The following GRIK2 variants were observed in gnomAD, a reference collection of about 807,000 sequenced individuals.
GRIK2 encodes glutamate receptor ionotropic, kainate 2.
In GRIK2, 32 loss-of-function variants were observed where a neutral mutation model predicts 100.3. The observed-to-expected ratio is 0.32, with a 90% CI of 0.24 to 0.43. GRIK2 has a LOEUF of 0.43. Among genes scored for constraint, GRIK2 ranks in the 20% least tolerant of loss-of-function variants. GRIK2 has a pLI of 1.00. For synonymous variants in GRIK2, 417 were observed against 389.4 expected (o/e 1.07, Z -0.83); for missense variants, 843 against 1,114.9 (o/e 0.76, Z 3.47).
intron 7 of GRIK2, among the ~76,000 whole-genome samples, chr6:101,798,533 T>A (rs1167123021): frequency 6.6e-6 from 1 of 152,052 alleles, no homozygotes; most frequent in Non-Finnish European, 1.5e-5. Flanking sequence ...CATCTTCCAT[T>A]TTATGTGGTA....
At chr6:101,671,527 G>A (rs1011000215) in intron 4 of GRIK2, among the ~76,000 whole-genome samples, 4 of 152,042 alleles carry the variant, frequency 2.6e-5, no homozygotes, top group Non-Finnish European at 5.9e-5. Flanking sequence ...GTCCTGTAAC[G>A]TCTGGAACAC....
chr6:101,650,154 A>G (rs1262429273), intron 4 of GRIK2, among the ~76,000 whole-genome samples: 1 of 152,160 alleles, frequency 6.6e-6, no homozygotes, highest in Non-Finnish European at 1.5e-5. Flanking sequence ...CTTTCAGAGC[A>G]CATAGGATTT....
chr6:102,063,932 C>G (rs1329225519), intron 16 of GRIK2: 3 of 983,816 alleles, frequency 3.0e-6, no homozygotes, highest in Non-Finnish European at 4.9e-6. Flanking sequence ...TACATGCTAA[C>G]AGCTCAAAGA....
intron 2 of GRIK2, among the ~76,000 whole-genome samples, chr6:101,529,956 T>C (rs1582651123): frequency 6.6e-6 from 1 of 152,042 alleles, no homozygotes; most frequent in African/African-American, 2.4e-5. Flanking sequence ...ATGGCACTTC[T>C]AAAATTAGAG....
intron 2 of GRIK2, among the ~76,000 whole-genome samples, chr6:101,593,149 T>C (rs1018052397): frequency 4.6e-5 from 7 of 151,774 alleles, no homozygotes; most frequent in African/African-American, 1.7e-4. Flanking sequence ...AAGTAAGAAC[T>C]TGGTTTGGTG....
intron 2 of GRIK2, among the ~76,000 whole-genome samples, chr6:101,595,706 G>GTATATATATATA (rs1417393124): frequency 7.4e-4 from 93 of 125,352 alleles, no homozygotes; most frequent in African/African-American, 2.9e-3. Context: ...ATATGTGTGT[G>GTATATATATATA]TGTGTGTGTG....
At chr6:101,695,197 C>T (rs1448415474) in intron 7 of GRIK2, among the ~76,000 whole-genome samples, 1 of 151,992 alleles carries the variant, frequency 6.6e-6, no homozygotes, top group African/African-American at 2.4e-5. Flanking sequence ...CTGGTGAAAG[C>T]AACTGTCTGC....
At chr6:101,712,810 A>T (rs901702229) in intron 7 of GRIK2, among the ~76,000 whole-genome samples, 1 of 151,812 alleles carries the variant, frequency 6.6e-6, no homozygotes, top group Non-Finnish European at 1.5e-5. Flanking sequence ...ACAGTTTCCA[A>T]TTGGACTTTA....
intron 7 of GRIK2, 55 bp downstream of exon 7, chr6:101,686,408 A>T: frequency 7.4e-7 from 1 of 1,343,990 alleles, no homozygotes; most frequent in Non-Finnish European, 1.0e-6. Flanking sequence ...TATTGCATAC[A>T]TATGAACTTC....
intron 7 of GRIK2, among the ~76,000 whole-genome samples, chr6:101,731,527 A>T (rs1775269246): frequency 6.6e-6 from 1 of 152,024 alleles, no homozygotes; most frequent in South Asian, 2.1e-4. Flanking sequence ...GGGAGTTTGG[A>T]GGCAAATAAC....
intron 7 of GRIK2, among the ~76,000 whole-genome samples, chr6:101,739,626 A>G (rs1217444666): frequency 6.6e-6 from 1 of 152,180 alleles, no homozygotes; most frequent in Non-Finnish European, 1.5e-5. Context: ...AATCTTTTAA[A>G]ATGTTATATT....
At chr6:101,587,942 G>C (rs1778456090) in intron 2 of GRIK2, among the ~76,000 whole-genome samples, 1 of 152,002 alleles carries the variant, frequency 6.6e-6, no homozygotes. Context: ...ACAAAGAATT[G>C]CTAAACAAAT....
chr6:101,537,430 GTGTGTGTGTGTT>G (rs796155416), intron 2 of GRIK2, among the ~76,000 whole-genome samples: 10 of 111,294 alleles, frequency 9.0e-5, no homozygotes, highest in Admixed American at 2.8e-4. Context: ...GTGTGTGTTT[GTGTGTGTGTGTT>G]TGTGTGTGTG....
chr6:101,809,876 T>A, intron 9 of GRIK2, among the ~76,000 whole-genome samples: 1 of 152,162 alleles, frequency 6.6e-6, no homozygotes, highest in Admixed American at 6.6e-5. Flanking sequence ...GTTATTATTT[T>A]GTTTGGCAAC....
At chr6:102,010,807 G>T (rs1040975748) in intron 14 of GRIK2, among the ~76,000 whole-genome samples, 2 of 151,788 alleles carry the variant, frequency 1.3e-5, no homozygotes, top group Middle Eastern at 6.8e-3. Flanking sequence ...CTGGCTTCTT[G>T]CACTGAGTAA....
chr6:102,010,441 TG>T (rs1426835122), intron 14 of GRIK2, among the ~76,000 whole-genome samples: 1 of 151,592 alleles, frequency 6.6e-6, no homozygotes, highest in African/African-American at 2.4e-5. Context: ...TGAAGTGCAA[TG>T]GTGCAATCTA....
At chr6:101,644,528 T>C (rs1056543195) in intron 4 of GRIK2, among the ~76,000 whole-genome samples, 9 of 151,766 alleles carry the variant, frequency 5.9e-5, no homozygotes, top group African/African-American at 2.2e-4. Context: ...CCAGCAGCCC[T>C]GTAGAAGAGG....
intron 11 of GRIK2, among the ~76,000 whole-genome samples, chr6:101,888,275 A>T (rs1582462172): frequency 6.6e-6 from 1 of 152,134 alleles, no homozygotes; most frequent in Non-Finnish European, 1.5e-5. Context: ...AATTAACTCT[A>T]TGAAAATGAA....
At chr6:101,561,651 GA>G (rs201303642) in intron 2 of GRIK2, among the ~76,000 whole-genome samples, 43 of 150,924 alleles carry the variant, frequency 2.8e-4, no homozygotes, top group African/African-American at 1.0e-3. Flanking sequence ...TAAAAATACA[GA>G]AAAAAAAGAG....
Sources: allele counts gnomAD v4.1 joint callset (sites outside exome capture counted in the v4.1 genomes callset), GRCh38; gene constraint gnomAD v4.1.1; transcripts MANE v1.5; gene names NCBI Gene and HGNC (gene_info 2026-07-23, HGNC 2026-07-21).